SLC6A19: variants seen among roughly 807,000 people sequenced by gnomAD.
The protein encoded by SLC6A19 is sodium-dependent neutral amino acid transporter B(0)AT1.
A neutral mutation model predicts 68.3 loss-of-function variants in SLC6A19; 67 were observed. The ratio of observed to expected loss-of-function variants is 0.98; its 90% CI spans 0.81 to 1.20. The LOEUF is 1.20. Among genes scored for constraint, SLC6A19 ranks in the 50% most tolerant of loss-of-function variants. The pLI is 0.00. For synonymous variants in SLC6A19, 392 were observed against 374.9 expected (o/e 1.05, Z -0.53); for missense variants, 813 against 851.6 (o/e 0.95, Z 0.56).
At chr5:1,204,469 C>T (rs546251013) in intron 1 of SLC6A19, among the ~76,000 whole-genome samples, 33 of 152,354 alleles carry the variant, frequency 2.2e-4, no homozygotes, top group African/African-American at 6.7e-4. Flanking sequence ...AACCAAAAGC[C>T]GTGAGGCGTG....
chr5:1,206,286 CTCTCTGTTTCTGTCTGTGTGTG>C (rs1444753678), intron 1 of SLC6A19, among the ~76,000 whole-genome samples: 1 of 139,684 alleles, frequency 7.2e-6, no homozygotes, highest in African/African-American at 3.4e-5. Flanking sequence ...TCCTCTGTCT[CTCTCTGTTTCTGTCTGTGTGTG>C]TGTCTCTCTG....
intron 1 of SLC6A19, among the ~76,000 whole-genome samples, chr5:1,202,236 A>G (rs2126488764): frequency 6.6e-6 from 1 of 152,230 alleles, no homozygotes; most frequent in African/African-American, 2.4e-5. Flanking sequence ...TCCCAGCCCC[A>G]CAGGCGGACA....
At position 1,221,736 on chromosome 5, in the gene SLC6A19, G is replaced by T. The variant is rs140488701; in HGVS notation, c.1737G>T (p.Pro579=). The T allele has an allele frequency of 1.9e-6, 3 of 1,613,938 alleles. No homozygotes were observed. The highest frequency in any genetic ancestry group is 2.2e-5 in the East Asian group (1 of 44,894). ...CCAAATCCCAGAAGATCTCCTACCC[G>T]AACTGGGTGTATGTGGTGGTGGTGA... ...EFPKSQKISY[P]NWVYVVVVIV... is the part of the protein sequence containing the mutation. The change falls in exon 12 of 12, where the codon CCG becomes CCT. Residue 579 remains proline, a synonymous_variant. Transcript: ENST00000304460.
rs540229029 is a variant in SLC6A19 at position 1,201,602 on chromosome 5, C to T, written c.-49C>T. 38 of 1,576,824 alleles carry T rather than the reference C, an allele frequency of 2.4e-5. No homozygotes were observed. The African/African-American group carries it at 4.6e-4, about 19-fold the overall frequency. ...GGCTCCCGGCCCACGGCCACTCGCC[C>T]TCCAGCTTCTGCCCTGCCTGCTGTG... On this transcript the variant is annotated 5_prime_UTR_variant, in exon 1 of 12. Transcript: ENST00000304460.
rs140343487 is a variant in SLC6A19 at position 1,212,379 on chromosome 5, C to T, written c.558C>T (p.Ser186=). ...GAGAGACGCTCAACATCTCCACGTC[C>T]ATCAGCGACTCGGGCTCCATCCAGT... ...WYRETLNIST[S]ISDSGSIQWW... The change falls in exon 4 of 12, where the codon TCC becomes TCT. Residue 186 remains serine (S), a synonymous_variant. Transcript: ENST00000304460. The surrounding 1 kb of genome is among the most constrained non-coding windows in gnomAD (Gnocchi z 5.1). 1,416 of 1,613,512 alleles carry T rather than the reference C, an allele frequency of 8.8e-4. 20 individuals are homozygous for T. The East Asian group carries it at 0.027, about 31-fold the overall frequency.
intron 4 of SLC6A19, among the ~76,000 whole-genome samples, chr5:1,213,107 G>A (rs1306328600): frequency 9.6e-6 from 1 of 104,138 alleles, no homozygotes; most frequent in Non-Finnish European, 1.9e-5. Flanking sequence ...GCCCCCCGTC[G>A]CCCTGGGCCC....
chr5:1,217,058 C>T (rs1271316929), intron 8 of SLC6A19, 113 bp downstream of exon 8: 33 of 1,533,702 alleles, frequency 2.2e-5, no homozygotes, highest in East Asian at 1.6e-4. Flanking sequence ...GAGCTTCAGC[C>T]GGGAGGCCCA....
Position 1,214,076 on chromosome 5 carries a change from G to GA in SLC6A19, c.887+11_887+12insA, listed in dbSNP as rs1424186363. On this transcript the variant is annotated intron_variant, in intron 6 of 11. Coordinates refer to ENST00000304460, the MANE Select transcript of SLC6A19 (RefSeq NM_001003841.3). The surrounding 1 kb of genome is among the most constrained non-coding windows in gnomAD (Gnocchi z 7.4). ...CTACAACTCTGTGCAGTGAGTGCGG[G>GA]TGTGGTGGGCCTCAGTTTCCCTCTC... 1 of 1,613,624 alleles carries GA rather than the reference G, an allele frequency of 6.2e-7. No individual in the cohort carries two copies. Among genetic ancestry groups the GA allele is most frequent in the Non-Finnish European group, 8.5e-7 (1 of 1,179,988 alleles).
rs1579513782 is a variant in SLC6A19, at chr5:1,213,461, A to T, written c.664-2A>T. ...CCATCCCACATGTCCCGCCCTCCGC[A>T]GGCCGTGTACATCACCTCCACGCTG... On this transcript the variant is annotated splice_acceptor_variant, in intron 4 of 11. Transcript: ENST00000304460. LOFTEE classifies it high-confidence loss of function. 7.4e-7 allele frequency: 1 copy of T among 1,342,844 alleles called. No homozygotes were observed. Among genetic ancestry groups the T allele is most frequent in the East Asian group, 4.6e-5 (1 of 21,746 alleles). 83.2% of individuals were successfully genotyped at this position (1,342,844 alleles called of 1,614,324 possible).
chr5:1,216,513 C>G, intron 6 of SLC6A19, 45 bp from the exon 7 acceptor site: 1 of 1,613,290 alleles, frequency 6.2e-7, no homozygotes, highest in African/African-American at 1.3e-5. Flanking sequence ...GTGTCCTGAC[C>G]TGGGACCTCA....
At position 1,221,211 on chromosome 5, in the gene SLC6A19, G is replaced by C. The variant is rs112479136; in HGVS notation, c.1599G>C (p.Thr533=). 2.4e-5 allele frequency: 38 copies of C among 1,614,138 alleles called. No homozygotes were observed. In the African/African-American group the frequency reaches 3.6e-4, roughly 15 times the overall value. ...GHKPNIFWQV[T]WRVVSPLLML... Reference sequence around the variant, plus strand: ...AGCCCAACATCTTCTGGCAAGTCACGTGGCGCGTGGTCAGCCCCCTGCTCA... The same window carrying C: ...AGCCCAACATCTTCTGGCAAGTCACCTGGCGCGTGGTCAGCCCCCTGCTCA... The change falls in exon 11 of 12, where the codon ACG becomes ACC. Residue 533 remains threonine (T), a synonymous_variant. Transcript: ENST00000304460.
At chr5:1,208,694 T>G in intron 1 of SLC6A19, 52 bp from the exon 2 acceptor site, 1 of 1,612,214 alleles carries the variant, frequency 6.2e-7, no homozygotes, top group Non-Finnish European at 8.5e-7. Context: ...AGGGAGGCCT[T>G]CCTGCTCCCC....
intron 8 of SLC6A19, among the ~76,000 whole-genome samples, chr5:1,217,821 C>T (rs1457335707): frequency 1.3e-5 from 2 of 152,246 alleles, no homozygotes; most frequent in East Asian, 1.9e-4. Flanking sequence ...CGTCCACGCC[C>T]GCAAGCTTTC....
In SLC6A19 at chr5:1,222,277, T is replaced by C; in HGVS notation, c.*373T>C. On this transcript the variant is annotated 3_prime_UTR_variant, in exon 12 of 12. Coordinates refer to ENST00000304460, the MANE Select transcript of SLC6A19 (RefSeq NM_001003841.3). ...GTGCGATATTTGCTGCCCGTGTGTG[T>C]GCATGTATATATAGACATACATGCC... 2 of 563,910 alleles carry C rather than the reference T, an allele frequency of 3.5e-6. No individual in the cohort carries two copies. The highest frequency in any genetic ancestry group is 2.5e-5 in the South Asian group (1 of 39,310). The allele number at this position is 563,910 out of a possible 1,614,324, so 34.9% of individuals were successfully genotyped here. A position where few individuals can be genotyped will look rare whatever the true frequency, so the allele number is the denominator to read the frequency against.
At chr5:1,210,326 G>T in intron 2 of SLC6A19, 118 bp from the exon 3 acceptor site, 1 of 1,455,616 alleles carries the variant, frequency 6.9e-7, no homozygotes, top group Non-Finnish European at 9.3e-7. Context: ...TCAGATTCTG[G>T]AGTAGCCCAT....
In SLC6A19 at chr5:1,208,845, T is replaced by A. The variant is rs762963674; in HGVS notation, c.302T>A (p.Leu101Gln). 3.1e-6 allele frequency: 5 copies of A among 1,612,800 alleles called. No individual in the cohort carries two copies. Among genetic ancestry groups the A allele is most frequent in the Non-Finnish European group, 4.2e-6 (5 of 1,179,970 alleles). ...GGGCAGCGGCTGCGGCGGGGCAGCC[T>A]GGGTGTGTGGAGCTCCATCCACCCG... ...AIGQRLRRGSLGVWSSIHPAL... is the reference protein window; with the variant it reads ...AIGQRLRRGSQGVWSSIHPAL... Residue 101 changes from leucine to glutamine, a missense_variant, in exon 2 of 12, where the codon CTG becomes CAG. Physicochemically the swap from Leu to Gln is moderately radical, Grantham distance 113. Coordinates refer to ENST00000304460, the MANE Select transcript of SLC6A19 (RefSeq NM_001003841.3).
intron 2 of SLC6A19, 27 bp downstream of exon 2, chr5:1,208,913 G>C: frequency 1.3e-6 from 2 of 1,596,522 alleles, no homozygotes; most frequent in Non-Finnish European, 8.5e-7. Flanking sequence ...AGTTCCACCC[G>C]GGCCCAGGGG....
rs1746404300 is a variant in SLC6A19, at chr5:1,222,177, ATG to A, written c.*277_*278del. On this transcript the variant is annotated 3_prime_UTR_variant, in exon 12 of 12. Transcript: ENST00000304460. ...GTATGTGCATGTGCCATGTGTGCAGATGTGTCATGTTGTGTGTGTGCATGTAC... is the reference window on the plus strand; with the variant it reads ...GTATGTGCATGTGCCATGTGTGCAGATGTCATGTTGTGTGTGTGCATGTAC... 3 of 595,806 alleles carry A rather than the reference ATG, an allele frequency of 5.0e-6. No individual in the cohort carries two copies. Among genetic ancestry groups the A allele is most frequent in the East Asian group, 5.5e-5 (2 of 36,202 alleles). 36.9% of individuals were successfully genotyped at this position (595,806 alleles called of 1,614,324 possible).
rs529197981 is a variant in SLC6A19 at position 1,222,542 on chromosome 5, C to T, written c.*638C>T. ...GTGAGCATGTGTACGTGTGTGTATA[C>T]GTGTGTTGTGTATATGTGTGTGTCT... is the stretch of plus-strand genomic sequence containing the variant. On this transcript the variant is annotated 3_prime_UTR_variant, in exon 12 of 12. Coordinates refer to ENST00000304460, the MANE Select transcript of SLC6A19 (RefSeq NM_001003841.3). 1.1e-4 allele frequency: 41 copies of T among 390,420 alleles called. No homozygotes were observed. The South Asian group carries it at 3.2e-3, about 30-fold the overall frequency. The allele number at this position is 390,420 out of a possible 1,614,324, so 24.2% of individuals were successfully genotyped here.
Sources: allele counts gnomAD v4.1 joint callset (sites outside exome capture counted in the v4.1 genomes callset), GRCh38; gene constraint gnomAD v4.1.1; non-coding constraint Gnocchi (gnomAD v3.1); transcripts MANE v1.5; gene names NCBI Gene and HGNC (gene_info 2026-07-23, HGNC 2026-07-21).